CLVS1: variants seen among roughly 807,000 people sequenced by gnomAD.
CLVS1 encodes clavesin 1, also known as clavesin-1.
CLVS1 carries 10 observed loss-of-function variants against 33.1 expected under a neutral mutation model. That is an observed-to-expected ratio of 0.30 (90% CI 0.19 to 0.51). The LOEUF (loss-of-function observed/expected upper bound fraction) is 0.51, where lower values mean the gene tolerates loss of function less well. CLVS1 is among the 20% of genes least tolerant of loss of function. The pLI, the probability that CLVS1 is intolerant of heterozygous loss-of-function variation, is 0.97. For synonymous variants in CLVS1, 163 were observed against 166.1 expected (o/e 0.98, Z 0.14); for missense variants, 343 against 433.4 (o/e 0.79, Z 1.85).
At position 61,447,077 on chromosome 8, in the gene CLVS1, A is replaced by G. The variant is rs77562079; in HGVS notation, c.631-7064A>G. 8.9e-4 allele frequency among the ~76,000 whole-genome samples: 135 copies of G among 152,204 alleles called. 1 individual carries two copies. In the East Asian group the frequency reaches 0.026, roughly 29 times the overall value. ...ATATTCTTCTGTTTTGGGGTGAAGT[A>G]TCTTATAAATATCAATTGACTTCTG... is the stretch of plus-strand genomic sequence containing the variant. On this transcript the variant is annotated intron_variant, in intron 3 of 5. Transcript: ENST00000325897.
At chr8:61,016,423 C>T in the CLVS1 span, among the ~76,000 whole-genome samples, 1 of 152,170 alleles carries the variant, frequency 6.6e-6, no homozygotes, top group Non-Finnish European at 1.5e-5. Context: ...GGGAGCAGCC[C>T]CTTCACCAAG....
chr8:61,202,841 A>G (rs1236165294), intron 2 of CLVS1: 11 of 992,614 alleles, frequency 1.1e-5, no homozygotes, highest in Non-Finnish European at 1.7e-5. Context: ...GATGAAGATG[A>G]TGATGATGAT....
At chr8:61,066,423 G>C (rs368082133) in intron 1 of CLVS1, among the ~76,000 whole-genome samples, 3 of 152,226 alleles carry the variant, frequency 2.0e-5, no homozygotes, top group East Asian at 1.9e-4. Flanking sequence ...GCTTGAGCCT[G>C]GGGAGGTTGA....
the CLVS1 span, among the ~76,000 whole-genome samples, chr8:60,979,165 T>C: frequency 6.6e-6 from 1 of 152,164 alleles, no homozygotes; most frequent in African/African-American, 2.4e-5. Context: ...TTATTTGTGC[T>C]AGCAAGCCAG....
chr8:61,321,774 A>T (rs779002624), intron 2 of CLVS1, among the ~76,000 whole-genome samples: 3 of 152,042 alleles, frequency 2.0e-5, no homozygotes, highest in Non-Finnish European at 2.9e-5. Flanking sequence ...ATTTTCAAAT[A>T]TTTTCTCTTG....
chr8:61,111,910 A>T lies in CLVS1; in HGVS notation c.-242-19860A>T, dbSNP rs374686889. ...AATTGGCATTTAATTTTTCCAGAAGATCTCTCCAATTCACAGTCTTCTTTT... is the reference window on the plus strand; with the variant it reads ...AATTGGCATTTAATTTTTCCAGAAGTTCTCTCCAATTCACAGTCTTCTTTT... On this transcript the variant is annotated intron_variant, in intron 1 of 2. Transcript: ENST00000522621. Among the ~76,000 whole-genome samples, 66 of 152,252 alleles carry T rather than the reference A, an allele frequency of 4.3e-4. No individual in the cohort carries two copies. In the South Asian group the frequency reaches 0.014, roughly 32 times the overall value.
chr8:61,289,250 A>G (rs528860683), intron 1 of CLVS1, among the ~76,000 whole-genome samples: 1 of 152,350 alleles, frequency 6.6e-6, no homozygotes, highest in South Asian at 2.1e-4. Flanking sequence ...AAAATTGAAA[A>G]GGCATTTTAT....
At chr8:61,096,817 CTTT>C (rs1001796806) in intron 1 of CLVS1, among the ~76,000 whole-genome samples, 3 of 152,158 alleles carry the variant, frequency 2.0e-5, no homozygotes, top group Admixed American at 2.0e-4. Context: ...AGCATGCTTC[CTTT>C]GCCTCACCTC....
chr8:61,360,887 G>A (rs1039250677), intron 2 of CLVS1, among the ~76,000 whole-genome samples: 2 of 151,930 alleles, frequency 1.3e-5, no homozygotes, highest in African/African-American at 4.8e-5. Context: ...AGAAATATCT[G>A]AGACTAGATA....
At chr8:61,124,133 G>A (rs558462660) in intron 1 of CLVS1, among the ~76,000 whole-genome samples, 4 of 152,240 alleles carry the variant, frequency 2.6e-5, no homozygotes, top group African/African-American at 9.6e-5. Context: ...CCATGGTTTT[G>A]GAAATGAGCA....
intron 1 of CLVS1, among the ~76,000 whole-genome samples, chr8:61,289,490 A>G (rs1585753076): frequency 6.6e-6 from 1 of 152,232 alleles, no homozygotes; most frequent in Admixed American, 6.5e-5. Context: ...CTGGGTGTTC[A>G]TTTAATTGAT....
intron 2 of CLVS1, among the ~76,000 whole-genome samples, chr8:61,229,933 G>C (rs1217187061): frequency 1.3e-5 from 2 of 152,164 alleles, no homozygotes; most frequent in African/African-American, 4.8e-5. Flanking sequence ...GCTGAGCCAG[G>C]CACATTTCTA....
chr8:60,991,550 T>C, the CLVS1 span, among the ~76,000 whole-genome samples: 1 of 152,216 alleles, frequency 6.6e-6, no homozygotes. Flanking sequence ...GTCCTTTTCC[T>C]GGCTTTTCAG....
chr8:61,183,155 A>G (rs2087098), intron 2 of CLVS1, among the ~76,000 whole-genome samples: 73,712 of 147,680 alleles, frequency 0.5, 20,317 homozygotes, highest in Middle Eastern at 0.7. Flanking sequence ...GGCAGGGCGG[A>G]GGGGGGCAGG....
chr8:61,112,434 A>AT (rs1805645982), intron 1 of CLVS1, among the ~76,000 whole-genome samples: 2 of 152,290 alleles, frequency 1.3e-5, no homozygotes, highest in African/African-American at 4.8e-5. Context: ...CATTTCTAAG[A>AT]TTTTGTATCA....
intron 2 of CLVS1, among the ~76,000 whole-genome samples, chr8:61,254,312 A>C (rs546700668): frequency 6.6e-6 from 1 of 152,282 alleles, no homozygotes; most frequent in East Asian, 1.9e-4. Context: ...CGGCTGTGTG[A>C]GGTGTCAGTC....
At chr8:61,218,231 G>A (rs1184897364) in intron 2 of CLVS1, among the ~76,000 whole-genome samples, 1 of 152,118 alleles carries the variant, frequency 6.6e-6, no homozygotes, top group East Asian at 1.9e-4. Flanking sequence ...TTCAAAAATA[G>A]TCACAATATG....
chr8:61,412,397 T>C (rs183197278), intron 3 of CLVS1, among the ~76,000 whole-genome samples: 82 of 152,302 alleles, frequency 5.4e-4, no homozygotes, highest in Admixed American at 5.2e-3. Context: ...TGTGGGGGTC[T>C]CAGTGGAGAC....
intron 3 of CLVS1, among the ~76,000 whole-genome samples, chr8:61,383,174 T>C (rs1043833451): frequency 6.6e-6 from 1 of 152,216 alleles, no homozygotes; most frequent in Non-Finnish European, 1.5e-5. Flanking sequence ...CTGCTCACTA[T>C]AGGTAATGAC....
Sources: gnomAD v4.1 joint callset for allele counts (sites outside exome capture counted in the v4.1 genomes callset) on GRCh38, gnomAD v4.1.1 for gene constraint, MANE v1.5 for transcripts, NCBI Gene and HGNC (gene_info 2026-07-23, HGNC 2026-07-21) for gene names.